The following RCL1 variants were observed in gnomAD, a reference collection of about 807,000 sequenced individuals.
The protein encoded by RCL1 is RNA 3'-terminal phosphate cyclase-like protein.
RCL1 carries 24 observed loss-of-function variants against 42.4 expected under a neutral mutation model. The observed-to-expected ratio is 0.57, with a 90% confidence interval of 0.41 to 0.80. The LOEUF is 0.80. RCL1 is among the 30% of genes least tolerant of loss of function. The pLI is 0.00. For missense variants in RCL1, 578 were observed against 467.9 expected, an observed-to-expected ratio of 1.24 and a Z score of -2.17; for synonymous variants, 228 against 177.3, an observed-to-expected ratio of 1.29 and a Z score of -2.27.
At position 4,837,307 on chromosome 9, in the gene RCL1, G is replaced by A. The variant is rs550356846; in HGVS notation, c.584+3042G>A. Among the ~76,000 whole-genome samples, 8 of 152,080 alleles carry A rather than the reference G, an allele frequency of 5.3e-5. No individual in the cohort carries two copies. In the South Asian group the frequency reaches 8.3e-4, roughly 16 times the overall value. On this transcript the variant is annotated intron_variant, in intron 5 of 8. Transcript: ENST00000381750. Reference sequence around the variant, plus strand: ...TTTTCACTGTTGCCAAATACACTGCGGTTAATGGCTTTAACCACAACATTT... The same window carrying A: ...TTTTCACTGTTGCCAAATACACTGCAGTTAATGGCTTTAACCACAACATTT...
chr9:4,798,489 A>T (rs1215373822), intron 1 of RCL1, among the ~76,000 whole-genome samples: 1 of 152,250 alleles, frequency 6.6e-6, no homozygotes, highest in African/African-American at 2.4e-5. Flanking sequence ...GGAGTGCTCC[A>T]TATGGCTTAA....
chr9:4,861,016 T>G lies in RCL1; in HGVS notation c.*741T>G, dbSNP rs1818158582. ...ATGAGAAAATTCATAAAGGGTGTTT[T>G]GTTCCTTTGAAATGTATAATGTAAA... On this transcript the variant is annotated 3_prime_UTR_variant, in exon 9 of 9. Transcript: ENST00000381750. 1 of 152,266 alleles carries G rather than the reference T, an allele frequency of 6.6e-6. No homozygotes were observed. Among genetic ancestry groups the G allele is most frequent in the Non-Finnish European group, 1.5e-5 (1 of 68,044 alleles). The allele number at this position is 152,266 out of a possible 1,614,324, so 9.4% of individuals were successfully genotyped here. A position where few individuals can be genotyped will look rare whatever the true frequency, so the allele number is the denominator to read the frequency against.
chr9:4,852,764 G>A (rs1210033586), intron 8 of RCL1, among the ~76,000 whole-genome samples: 1 of 86,082 alleles, frequency 1.2e-5, no homozygotes, highest in Non-Finnish European at 2.4e-5. Flanking sequence ...CCCTTGGTCA[G>A]GTCACTTTTT....
chr9:4,794,635 C>T (rs1842885024), intron 1 of RCL1, among the ~76,000 whole-genome samples: 1 of 127,260 alleles, frequency 7.9e-6, no homozygotes, highest in Admixed American at 8.9e-5. Context: ...TAAAAGTAGG[C>T]ATAACTTTTT....
intron 1 of RCL1, among the ~76,000 whole-genome samples, chr9:4,817,912 ATTTTTTTTTTTTTTT>A (rs66886360): frequency 1.3e-5 from 1 of 78,356 alleles, no homozygotes. Context: ...CTTTTCTAAG[ATTTTTTTTTTTTTTT>A]TTTTTTTTTT....
At chr9:4,830,135 C>G (rs1288155243) in intron 3 of RCL1, among the ~76,000 whole-genome samples, 3 of 152,164 alleles carry the variant, frequency 2.0e-5, no homozygotes, top group African/African-American at 7.2e-5. Flanking sequence ...TCACTCTTTG[C>G]CAGAGTTGAG....
intron 1 of RCL1, among the ~76,000 whole-genome samples, chr9:4,821,058 C>G (rs1172636507): frequency 6.6e-6 from 1 of 152,044 alleles, no homozygotes; most frequent in Non-Finnish European, 1.5e-5. Flanking sequence ...CCATGATTTT[C>G]TAGAGGAAGA....
chr9:4,807,348 T>G (rs1382265245), intron 1 of RCL1, among the ~76,000 whole-genome samples: 1 of 152,208 alleles, frequency 6.6e-6, no homozygotes, highest in African/African-American at 2.4e-5. Context: ...GAGCATAGAT[T>G]ATTGGGAACT....
chr9:4,845,635 G>T (rs983925586), intron 7 of RCL1, among the ~76,000 whole-genome samples: 1 of 152,160 alleles, frequency 6.6e-6, no homozygotes, highest in Non-Finnish European at 1.5e-5. Flanking sequence ...AGTCTGCACC[G>T]TCTTTTGCCT....
intron 1 of RCL1, among the ~76,000 whole-genome samples, chr9:4,808,382 A>G (rs1447993542): frequency 6.6e-6 from 1 of 151,552 alleles, no homozygotes; most frequent in East Asian, 1.9e-4. Flanking sequence ...ATCTCGCCTC[A>G]TTGCCACCTC....
rs1299900693 is a variant in RCL1 at position 4,792,955 on chromosome 9, A to G, written c.-137A>G. 2 of 854,034 alleles carry G rather than the reference A, an allele frequency of 2.3e-6. No homozygotes were observed. The highest frequency in any genetic ancestry group is 1.7e-6 in the Non-Finnish European group (1 of 582,284). The allele number at this position is 854,034 out of a possible 1,614,324, so 52.9% of individuals were successfully genotyped here. ...CGTCTTCCTGTTCCAAACCACGTGG[A>G]CGCGTCTGGGCTGCTGGAGGCAGCC... On this transcript the variant is annotated 5_prime_UTR_variant, in exon 1 of 9. Transcript: ENST00000381750.
At chr9:4,851,234 G>C (rs1817738100) in intron 8 of RCL1, among the ~76,000 whole-genome samples, 1 of 152,134 alleles carries the variant, frequency 6.6e-6, no homozygotes, top group Non-Finnish European at 1.5e-5. Context: ...TGAAAACAGT[G>C]TCCTGCTCTG....
At chr9:4,858,455 TTTACTCCTGTA>T (rs1818038520) in intron 8 of RCL1, among the ~76,000 whole-genome samples, 1 of 152,226 alleles carries the variant, frequency 6.6e-6, no homozygotes, top group Non-Finnish European at 1.5e-5. Flanking sequence ...GTAATGAATA[TTTACTCCTGTA>T]TTTTCTTTAG....
chr9:4,845,928 G>A (rs181534073), intron 7 of RCL1, among the ~76,000 whole-genome samples: 33 of 152,224 alleles, frequency 2.2e-4, no homozygotes, highest in Middle Eastern at 3.4e-3. Context: ...AAGTTTTCTC[G>A]TTTATGGTAG....
intron 1 of RCL1, among the ~76,000 whole-genome samples, chr9:4,809,604 G>A (rs10815087): frequency 0.28 from 41,942 of 151,932 alleles, 5,945 homozygotes; most frequent in South Asian, 0.41. Context: ...CACTGCACCC[G>A]GCCAAGACTA....
chr9:4,809,645 A>G (rs1816102835), intron 1 of RCL1, among the ~76,000 whole-genome samples: 1 of 152,150 alleles, frequency 6.6e-6, no homozygotes, highest in East Asian at 1.9e-4. Context: ...GAAAAAATGG[A>G]ATGCGAGATC....
chr9:4,832,033 G>C (rs1214795783), intron 3 of RCL1, among the ~76,000 whole-genome samples: 2 of 152,266 alleles, frequency 1.3e-5, no homozygotes, highest in East Asian at 3.9e-4. Context: ...GATCCAAGAA[G>C]GGAACAAGTA....
chr9:4,845,936 T>C (rs1817496017), intron 7 of RCL1, among the ~76,000 whole-genome samples: 1 of 152,238 alleles, frequency 6.6e-6, no homozygotes, highest in East Asian at 1.9e-4. Context: ...TCGTTTATGG[T>C]AGCAAAAATC....
chr9:4,827,467 A>G (rs1032541721), intron 3 of RCL1: 2 of 329,754 alleles, frequency 6.1e-6, no homozygotes, highest in African/African-American at 2.1e-5. Context: ...GGCTTCAATC[A>G]TAAACTCAAG....
Sources: allele counts gnomAD v4.1 joint callset (sites outside exome capture counted in the v4.1 genomes callset), GRCh38; gene constraint gnomAD v4.1.1; transcripts MANE v1.5; gene names NCBI Gene and HGNC (gene_info 2026-07-23, HGNC 2026-07-21).